ADGRB1: variants seen among roughly 807,000 people sequenced by gnomAD.
ADGRB1 encodes the protein brain-specific angiogenesis inhibitor 1.
ADGRB1 carries 36 observed loss-of-function variants against 175.7 expected under a neutral mutation model. The observed-to-expected ratio is 0.20, with a 90% CI of 0.16 to 0.27. ADGRB1 has a LOEUF of 0.27. Among genes scored for constraint, ADGRB1 ranks in the 10% least tolerant of loss-of-function variants. ADGRB1 has a pLI of 1.00. For missense variants in ADGRB1, 1,731 were observed against 2,255.3 expected (o/e 0.77, Z 4.71); for synonymous variants, 1,054 against 979.4 (o/e 1.08, Z -1.42).
Position 142,495,635 on chromosome 8 carries a change from G to A in ADGRB1, c.2675+4820G>A, listed in dbSNP as rs141442743. On this transcript the variant is annotated intron_variant, in intron 17 of 30. Transcript: ENST00000517894. Reference sequence around the variant, plus strand: ...TCCTTGGTGTTCCTTGGCTTGTGGCGGCGTCACTCCAGTCTCTGCTGCTGT... The same window carrying A: ...TCCTTGGTGTTCCTTGGCTTGTGGCAGCGTCACTCCAGTCTCTGCTGCTGT... Among the ~76,000 whole-genome samples the A allele has an allele frequency of 1.1e-3, 163 of 152,022 alleles. 1 individual carries two copies. The highest frequency in any genetic ancestry group is 3.4e-3 in the African/African-American group (142 of 41,452).
intron 6 of ADGRB1, 123 bp downstream of exon 6, chr8:142,477,672 G>A: frequency 1.5e-6 from 2 of 1,305,178 alleles, no homozygotes; most frequent in South Asian, 3.1e-5. Context: ...GGTGCTCAGA[G>A]GTTGGAACCT....
chr8:142,524,734 G>A (rs1434183101), intron 23 of ADGRB1, among the ~76,000 whole-genome samples: 4 of 152,086 alleles, frequency 2.6e-5, no homozygotes, highest in African/African-American at 4.8e-5. Context: ...TTGCCCCTTC[G>A]GGGGCCCCGG....
At chr8:142,470,542 T>C (rs903815330) in intron 2 of ADGRB1, among the ~76,000 whole-genome samples, 2 of 151,242 alleles carry the variant, frequency 1.3e-5, no homozygotes, top group African/African-American at 4.9e-5. Context: ...TGTGTGTCCC[T>C]GTGTGTGTGT....
At chr8:142,514,275 C>T (rs1035948505) in intron 18 of ADGRB1, among the ~76,000 whole-genome samples, 13 of 151,994 alleles carry the variant, frequency 8.6e-5, no homozygotes, top group South Asian at 2.1e-4. Flanking sequence ...GGATGAGATC[C>T]GGGCAGGGTG....
chr8:142,533,248 C>T, intron 24 of ADGRB1, 47 bp from the exon 25 acceptor site: 2 of 1,456,436 alleles, frequency 1.4e-6, no homozygotes, highest in South Asian at 1.4e-5. Context: ...CAGGGTGTCC[C>T]TGGGGGCAGG....
At chr8:142,451,576 T>C (rs1382389055) in intron 1 of ADGRB1, among the ~76,000 whole-genome samples, 2 of 151,936 alleles carry the variant, frequency 1.3e-5, no homozygotes, top group African/African-American at 2.4e-5. Context: ...GTCGTTTGTG[T>C]TGGGGAGGGA....
At chr8:142,520,247 G>GTGGTGA (rs1843709874) in intron 19 of ADGRB1, among the ~76,000 whole-genome samples, 1 of 150,846 alleles carries the variant, frequency 6.6e-6, no homozygotes, top group Admixed American at 6.6e-5. Context: ...GATGGTGATG[G>GTGGTGA]TGGTGGTGAT....
intron 27 of ADGRB1, among the ~76,000 whole-genome samples, chr8:142,540,876 A>G (rs1195463532): frequency 6.6e-6 from 1 of 151,728 alleles, no homozygotes; most frequent in Non-Finnish European, 1.5e-5. Flanking sequence ...GGTGGAGGAG[A>G]GGACCAGGCC....
At chr8:142,468,687 C>G (rs1011878691) in intron 2 of ADGRB1, among the ~76,000 whole-genome samples, 1 of 152,220 alleles carries the variant, frequency 6.6e-6, no homozygotes, top group Admixed American at 6.5e-5. Context: ...CCTAGAGACC[C>G]GCAGGGCTCC....
chr8:142,509,141 A>G (rs968852079), intron 17 of ADGRB1, among the ~76,000 whole-genome samples: 1 of 152,202 alleles, frequency 6.6e-6, no homozygotes, highest in African/African-American at 2.4e-5. Context: ...GAATCTCAGG[A>G]AGTGCTGCTG....
intron 12 of ADGRB1, among the ~76,000 whole-genome samples, chr8:142,484,364 C>T (rs78168104): frequency 0.028 from 4,332 of 152,270 alleles, 221 homozygotes; most frequent in African/African-American, 0.098. Flanking sequence ...CTCACTCCCC[C>T]AGGCTGACCT....
intron 24 of ADGRB1, among the ~76,000 whole-genome samples, chr8:142,529,541 C>T (rs1203551022): frequency 6.6e-6 from 1 of 152,042 alleles, no homozygotes; most frequent in African/African-American, 2.4e-5. Flanking sequence ...TTGATGTGTG[C>T]AAGCATGCAT....
intron 25 of ADGRB1, among the ~76,000 whole-genome samples, chr8:142,533,689 A>C (rs1844761299): frequency 6.6e-6 from 1 of 151,992 alleles, no homozygotes; most frequent in South Asian, 2.1e-4. Flanking sequence ...GCACCTTCCC[A>C]AGGATGCCCT....
Position 142,483,917 on chromosome 8 carries a change from A to G in ADGRB1, c.2131-60A>G. 7 of 1,560,714 alleles carry G rather than the reference A, an allele frequency of 4.5e-6. No individual in the cohort carries two copies. In the South Asian group the frequency reaches 7.8e-5, roughly 17 times the overall value. On this transcript the variant is annotated intron_variant, in intron 11 of 30. Transcript: ENST00000517894. ...CACACTGAATCCTGACCCTGGTCAC[A>G]GTGAACGGTGATTTTGTGCCCTGTT...
chr8:142,512,104 G>A (rs1220260343), intron 18 of ADGRB1, among the ~76,000 whole-genome samples: 11 of 152,252 alleles, frequency 7.2e-5, no homozygotes, highest in Admixed American at 3.3e-4. Context: ...TGCCAGAGCC[G>A]GATGGGACCC....
rs375131367 is a variant in ADGRB1, at chr8:142,542,682, G to T, written c.4413+35G>T. 14 of 1,506,212 alleles carry T rather than the reference G, an allele frequency of 9.3e-6. No homozygotes were observed. The highest frequency in any genetic ancestry group is 3.7e-5 in the South Asian group (3 of 80,664). The allele number at this position is 1,506,212 out of a possible 1,614,324, so 93.3% of individuals were successfully genotyped here. On this transcript the variant is annotated intron_variant, in intron 28 of 30. Transcript: ENST00000517894. This position sits in a 1 kb window ranked among gnomAD's most constrained non-coding sequence, Gnocchi z 6.3. ...GCAGGGGTGGGCCACACCCCAGCCA[G>T]CGAGGGCAGGGCTGCAGCAGCTGGG...
intron 1 of ADGRB1, among the ~76,000 whole-genome samples, chr8:142,456,903 G>A (rs1015894732): frequency 1.3e-5 from 2 of 152,248 alleles, no homozygotes. Flanking sequence ...GTTGCTAGGG[G>A]CTCACCAGCC....
Position 142,542,730 on chromosome 8 carries a change from C to A in ADGRB1, c.4413+83C>A. 1 of 1,291,414 alleles carries A rather than the reference C, an allele frequency of 7.7e-7. No individual in the cohort carries two copies. The highest frequency in any genetic ancestry group is 1.0e-6 in the Non-Finnish European group (1 of 960,354). 80.0% of individuals were successfully genotyped at this position (1,291,414 alleles called of 1,614,324 possible). A position where few individuals can be genotyped will look rare whatever the true frequency, so the allele number is the denominator to read the frequency against. Reference sequence around the variant, plus strand: ...GGGTCACCCCTGCTGGGTGGGACCCCCACGCCGTCAGCGGGGCGGGCTGGC... The same window carrying A: ...GGGTCACCCCTGCTGGGTGGGACCCACACGCCGTCAGCGGGGCGGGCTGGC... On this transcript the variant is annotated intron_variant, in intron 28 of 30. Coordinates refer to ENST00000517894, the MANE Select transcript of ADGRB1 (RefSeq NM_001702.3). This position sits in a 1 kb window ranked among gnomAD's most constrained non-coding sequence, Gnocchi z 6.3.
intron 2 of ADGRB1, among the ~76,000 whole-genome samples, chr8:142,470,767 C>T (rs1173277118): frequency 6.6e-6 from 1 of 152,040 alleles, no homozygotes; most frequent in African/African-American, 2.4e-5. Flanking sequence ...TGTGACCGGC[C>T]ACGGAGATGG....
Sources: gnomAD v4.1 joint callset for allele counts (sites outside exome capture counted in the v4.1 genomes callset) on GRCh38, gnomAD v4.1.1 for gene constraint, Gnocchi (gnomAD v3.1) non-coding constraint, MANE v1.5 for transcripts, NCBI Gene and HGNC (gene_info 2026-07-23, HGNC 2026-07-21) for gene names.